Variants in DHRS4 observed in about 807,000 individuals in gnomAD.
The protein encoded by DHRS4 is dehydrogenase/reductase 4.
A neutral mutation model predicts 28.4 loss-of-function variants in DHRS4; 20 were observed. The ratio of observed to expected loss-of-function variants is 0.71; its 90% confidence interval spans 0.50 to 1.02. The LOEUF is 1.02. Among genes scored for constraint, DHRS4 ranks in the 50% least tolerant of loss-of-function variants. The pLI is 0.00. For synonymous variants in DHRS4, 144 were observed against 146.4 expected (o/e 0.98, Z 0.12); for missense variants, 378 against 367.2 (o/e 1.03, Z -0.24).
chr14:23,966,213 C>T (rs897542163), intron 5 of DHRS4, 70 bp from the exon 6 acceptor site: 1 of 1,581,788 alleles, frequency 6.3e-7, no homozygotes, highest in African/African-American at 1.4e-5. Context: ...GCACTGCCCT[C>T]TATGTCTAGT....
chr14:23,954,418 C>G (rs1423415610), intron 1 of DHRS4, among the ~76,000 whole-genome samples: 1 of 152,104 alleles, frequency 6.6e-6, no homozygotes, highest in East Asian at 1.9e-4. Context: ...CCGACCTTGC[C>G]CAGCCTGTTT....
At position 23,966,398 on chromosome 14, in the gene DHRS4, A is replaced by C. The variant is rs752132182; in HGVS notation, c.647A>C (p.Lys216Thr). 9.3e-6 allele frequency: 15 copies of C among 1,613,794 alleles called. No individual in the cohort carries two copies. In the East Asian group the frequency reaches 3.1e-4, roughly 34 times the overall value. The change falls in exon 6 of 8, where the codon AAG (lysine) becomes ACG (threonine). Residue 216 changes from lysine to threonine, a missense_variant. By Grantham distance (78) the Lys-to-Thr change is moderately conservative (BLOSUM62 -1). Transcript: ENST00000313250. ...RVNCLAPGLIKTSFSRMLWMD... is the reference protein window; with the variant it reads ...RVNCLAPGLITTSFSRMLWMD... ...AACTGCCTAGCACCTGGACTTATCA[A>C]GACTAGCTTCAGCAGGATGGTGAGG...
intron 3 of DHRS4, among the ~76,000 whole-genome samples, chr14:23,962,704 T>A (rs1272741206): frequency 6.6e-6 from 1 of 151,312 alleles, no homozygotes; most frequent in East Asian, 1.9e-4. Flanking sequence ...CCTGTTAATG[T>A]AGATATTTTG....
intron 5 of DHRS4, 88 bp from the exon 6 acceptor site, chr14:23,966,195 C>G: frequency 6.3e-7 from 1 of 1,575,992 alleles, no homozygotes; most frequent in Non-Finnish European, 8.6e-7. Flanking sequence ...ACAGGAGATC[C>G]CTATTGAGCA....
At chr14:23,957,839 C>T (rs1345115772) in intron 2 of DHRS4, among the ~76,000 whole-genome samples, 1 of 149,636 alleles carries the variant, frequency 6.7e-6, no homozygotes, top group African/African-American at 2.5e-5. Context: ...GTGTGAGCCA[C>T]CACACCCAGC....
At chr14:23,962,636 T>G (rs2033460943) in intron 3 of DHRS4, among the ~76,000 whole-genome samples, 3 of 151,916 alleles carry the variant, frequency 2.0e-5, no homozygotes, top group Non-Finnish European at 4.4e-5. Flanking sequence ...CTTCCTCTGA[T>G]GCAGTCTTGA....
intron 6 of DHRS4, 27 bp downstream of exon 6, chr14:23,966,444 C>G (rs781111280): frequency 1.2e-6 from 2 of 1,612,706 alleles, no homozygotes; most frequent in East Asian, 2.2e-5. Flanking sequence ...TTGCATTTGA[C>G]TGGGACCCCT....
intron 2 of DHRS4, among the ~76,000 whole-genome samples, chr14:23,955,932 AC>A (rs1189500679): frequency 2.0e-5 from 3 of 152,258 alleles, no homozygotes; most frequent in Non-Finnish European, 4.4e-5. Flanking sequence ...CTTGAGGCTC[AC>A]GGCATACACT....
chr14:23,964,245 A>C (rs1375165248), intron 3 of DHRS4, among the ~76,000 whole-genome samples: 5 of 133,954 alleles, frequency 3.7e-5, no homozygotes, highest in African/African-American at 8.6e-5. Flanking sequence ...AAAAAAAAAA[A>C]AAAAAAAAAC....
intron 2 of DHRS4, 44 bp downstream of exon 2, chr14:23,955,256 G>T (rs781253718): frequency 5.1e-6 from 8 of 1,577,554 alleles, no homozygotes; most frequent in Non-Finnish European, 6.9e-6. Flanking sequence ...GGTGGAAAAC[G>T]GAGCCAGCCT....
In DHRS4 at chr14:23,955,208, C is replaced by T. The variant is rs1229096227; in HGVS notation, c.302C>T (p.Ala101Val). 3.7e-6 allele frequency: 6 copies of T among 1,612,356 alleles called. No individual in the cohort carries two copies. The Admixed American group carries it at 8.4e-5, about 22-fold the overall frequency. ...GCGGAGGACCGGGAGCGGCTGGTGG[C>T]CACGGTGAGCTGCAGGGAAATGGGC... ...GKAEDRERLV[A>V]TAVKLHGGID... Residue 101 changes from alanine to valine, a missense_variant, in exon 2 of 8, where the codon GCC (alanine) becomes GTC (valine). By Grantham distance (64) the Ala-to-Val change is moderately conservative (BLOSUM62 0). Transcript: ENST00000313250.
intron 5 of DHRS4, 147 bp downstream of exon 5, chr14:23,966,130 C>T (rs1383559690): frequency 6.3e-7 from 1 of 1,590,400 alleles, no homozygotes; most frequent in Non-Finnish European, 8.6e-7. Context: ...CTCCACAAAC[C>T]ACAACCTAGG....
At chr14:23,955,548 A>G (rs935944199) in intron 2 of DHRS4, among the ~76,000 whole-genome samples, 1 of 152,204 alleles carries the variant, frequency 6.6e-6, no homozygotes, top group Non-Finnish European at 1.5e-5. Context: ...TCTTCAGCTT[A>G]TAGAGTCAAG....
chr14:23,956,324 C>T (rs187463921), intron 2 of DHRS4, among the ~76,000 whole-genome samples: 60 of 152,274 alleles, frequency 3.9e-4, no homozygotes, highest in African/African-American at 1.3e-3. Context: ...AAAATCCTCC[C>T]GGAAAAACAT....
intron 3 of DHRS4, among the ~76,000 whole-genome samples, chr14:23,960,819 A>C (rs2033388136): frequency 6.6e-6 from 1 of 152,120 alleles, no homozygotes; most frequent in Admixed American, 6.5e-5. Flanking sequence ...TTATAAAGAA[A>C]AGAAGTTTGT....
intron 2 of DHRS4, among the ~76,000 whole-genome samples, chr14:23,959,280 G>A (rs1296376508): frequency 6.6e-6 from 1 of 152,108 alleles, no homozygotes; most frequent in Admixed American, 6.6e-5. Context: ...AAAGAAATAG[G>A]GCCAACTTCC....
chr14:23,955,234 A>G, intron 2 of DHRS4, 22 bp downstream of exon 2: 1 of 1,606,616 alleles, frequency 6.2e-7, no homozygotes, highest in East Asian at 2.2e-5. Context: ...GGAAATGGGC[A>G]CAGAGCCAGG....
At chr14:23,964,220 TA>T (rs71119059) in intron 3 of DHRS4, among the ~76,000 whole-genome samples, 230 of 34,452 alleles carry the variant, frequency 6.7e-3, no homozygotes, top group Non-Finnish European at 9.8e-3. Context: ...CTGCAATTTG[TA>T]AAAAAAAAAA....
At chr14:23,954,729 A>T (rs1239255283) in intron 1 of DHRS4, among the ~76,000 whole-genome samples, 1 of 152,242 alleles carries the variant, frequency 6.6e-6, no homozygotes, top group Non-Finnish European at 1.5e-5. Flanking sequence ...TGCTGCTGCA[A>T]ACCCAGCTCA....
Sources: allele counts gnomAD v4.1 joint callset (sites outside exome capture counted in the v4.1 genomes callset), GRCh38; gene constraint gnomAD v4.1.1; transcripts MANE v1.5; gene names NCBI Gene and HGNC (gene_info 2026-07-23, HGNC 2026-07-21).